Variants in CADPS2 observed in about 807,000 individuals in gnomAD.
CADPS2 encodes the protein calcium-dependent secretion activator 2.
In CADPS2, 93 loss-of-function variants were observed where a neutral mutation model predicts 172.5. That is an observed-to-expected ratio of 0.54 (90% CI 0.46 to 0.64). The LOEUF is 0.64. CADPS2 is among the 30% of genes least tolerant of loss of function. CADPS2 has a pLI of 0.00. For missense variants in CADPS2, 1,420 were observed against 1,565.9 expected, an observed-to-expected ratio of 0.91 and a Z score of 1.57; for synonymous variants, 546 against 555.2, an observed-to-expected ratio of 0.98 and a Z score of 0.23.
At position 122,710,806 on chromosome 7, in the gene CADPS2, T is replaced by C. The variant is rs538079614; in HGVS notation, c.453+26149A>G. The stretch of plus-strand genomic sequence containing the variant: ...AGTCATTTAATTTTGCCTTATATTA[T>C]ATATAATTAGAGGCATATATGTCTG... On this transcript the variant is annotated intron_variant, in intron 2 of 29. Coordinates refer to ENST00000449022, the MANE Select transcript of CADPS2 (RefSeq NM_017954.11). 8.5e-5 allele frequency among the ~76,000 whole-genome samples: 13 copies of C among 152,226 alleles called. 1 individual carries two copies. In the South Asian group the frequency reaches 2.7e-3, roughly 32 times the overall value.
At chr7:122,762,773 T>C (rs868381300) in intron 1 of CADPS2, among the ~76,000 whole-genome samples, 3 of 152,034 alleles carry the variant, frequency 2.0e-5, no homozygotes, top group South Asian at 4.1e-4. Context: ...AGGCCACCAG[T>C]CCAAATGGGA....
chr7:122,649,897 G>A (rs1433787973), intron 3 of CADPS2, among the ~76,000 whole-genome samples: 1 of 46,074 alleles, frequency 2.2e-5, no homozygotes, highest in South Asian at 1.2e-3. Flanking sequence ...AGTATTCAAT[G>A]ATTTTTTTTT....
At chr7:122,412,357 C>T (rs890048165) in intron 19 of CADPS2, among the ~76,000 whole-genome samples, 1 of 151,896 alleles carries the variant, frequency 6.6e-6, no homozygotes, top group Non-Finnish European at 1.5e-5. Context: ...GGCATGCATG[C>T]CAGTTGGAGA....
chr7:122,449,836 T>C (rs779833218), intron 15 of CADPS2, among the ~76,000 whole-genome samples: 3 of 151,988 alleles, frequency 2.0e-5, no homozygotes, highest in Non-Finnish European at 2.9e-5. Flanking sequence ...GATTGTCTCA[T>C]GTACTGCACT....
intron 8 of CADPS2, among the ~76,000 whole-genome samples, chr7:122,532,195 G>T (rs1460471097): frequency 6.6e-6 from 1 of 152,032 alleles, no homozygotes; most frequent in Middle Eastern, 3.2e-3. Flanking sequence ...ATCTCAAATT[G>T]TTCCTTTTTG....
chr7:122,700,926 ATAAT>A (rs566176570), intron 2 of CADPS2, among the ~76,000 whole-genome samples: 59 of 152,264 alleles, frequency 3.9e-4, no homozygotes, highest in Non-Finnish European at 7.8e-4. Flanking sequence ...ATCATCTAAA[ATAAT>A]TATTTAGAAC....
intron 2 of CADPS2, among the ~76,000 whole-genome samples, chr7:122,664,816 A>G (rs892570698): frequency 1.3e-5 from 2 of 152,082 alleles, no homozygotes; most frequent in Admixed American, 1.3e-4. Context: ...ACAGGGTCTC[A>G]CTCTGTGGCC....
At chr7:122,705,574 T>C (rs1253555224) in intron 2 of CADPS2, among the ~76,000 whole-genome samples, 1 of 109,868 alleles carries the variant, frequency 9.1e-6, no homozygotes, top group African/African-American at 3.6e-5. Context: ...ATATTATCTA[T>C]ATTATATATT....
At chr7:122,385,391 T>G (rs755105064) in intron 24 of CADPS2, among the ~76,000 whole-genome samples, 7 of 151,930 alleles carry the variant, frequency 4.6e-5, no homozygotes, top group Admixed American at 6.6e-5. Context: ...CCTGGGGCAA[T>G]AGGTATAGAA....
intron 1 of CADPS2, among the ~76,000 whole-genome samples, chr7:122,844,640 A>G (rs1811471035): frequency 6.6e-6 from 1 of 152,246 alleles, no homozygotes; most frequent in African/African-American, 2.4e-5. Context: ...CTTTTTAAAA[A>G]TACATCTATA....
At chr7:122,539,182 G>C (rs921430889) in intron 8 of CADPS2, among the ~76,000 whole-genome samples, 4 of 152,122 alleles carry the variant, frequency 2.6e-5, no homozygotes, top group South Asian at 2.1e-4. Context: ...GTTGAGAAGT[G>C]GGACCTTTAA....
chr7:122,438,738 G>C (rs1182189766), intron 16 of CADPS2, among the ~76,000 whole-genome samples: 1 of 151,960 alleles, frequency 6.6e-6, no homozygotes, highest in Admixed American at 6.6e-5. Context: ...TCACCATTCA[G>C]TGTGACTGTC....
intron 1 of CADPS2, among the ~76,000 whole-genome samples, chr7:122,752,892 A>G (rs77208745): frequency 0.015 from 2,237 of 152,308 alleles, 54 homozygotes; most frequent in African/African-American, 0.051. Flanking sequence ...AAAAGAGAAA[A>G]GAAAGACAAA....
rs576333425 is a variant in CADPS2 at position 122,767,845 on chromosome 7, A to G, written c.340-30777T>C. Among the ~76,000 whole-genome samples the G allele has an allele frequency of 2.6e-5, 4 of 152,328 alleles. 1 individual carries two copies. In the East Asian group the frequency reaches 7.7e-4, roughly 29 times the overall value. On this transcript the variant is annotated intron_variant, in intron 1 of 29. Coordinates refer to ENST00000449022, the MANE Select transcript of CADPS2 (RefSeq NM_017954.11). ...GAAAGTGTTTTATAGTAGAACGTAG[A>G]TGATCTGCATTGAAAATTTGAGCTT... is the stretch of plus-strand genomic sequence containing the variant.
intron 15 of CADPS2, among the ~76,000 whole-genome samples, chr7:122,446,266 A>T (rs1046771824): frequency 6.6e-6 from 1 of 152,136 alleles, no homozygotes; most frequent in African/African-American, 2.4e-5. Flanking sequence ...CTATATACTT[A>T]AAATTTTTTC....
intron 3 of CADPS2, among the ~76,000 whole-genome samples, chr7:122,641,946 T>G (rs531410117): frequency 6.6e-6 from 1 of 152,060 alleles, no homozygotes; most frequent in East Asian, 1.9e-4. Context: ...TCTGGAATGA[T>G]AGCATCAGGA....
chr7:122,332,370 T>C (rs3902431), intron 28 of CADPS2, among the ~76,000 whole-genome samples: 31,717 of 151,022 alleles, frequency 0.21, 3,834 homozygotes, highest in East Asian at 0.45. Context: ...AGTAGAACTC[T>C]ATATATGTGA....
At chr7:122,403,996 GT>G (rs937246660) in intron 20 of CADPS2, among the ~76,000 whole-genome samples, 2 of 151,832 alleles carry the variant, frequency 1.3e-5, no homozygotes, top group East Asian at 1.9e-4. Flanking sequence ...ATAATGCCTT[GT>G]TTTTTTTATT....
chr7:122,400,016 G>T (rs1489361231), intron 20 of CADPS2, among the ~76,000 whole-genome samples: 1 of 151,730 alleles, frequency 6.6e-6, no homozygotes, highest in Non-Finnish European at 1.5e-5. Flanking sequence ...GAAGTTACAG[G>T]TGTTCCTGTG....
Sources: allele counts gnomAD v4.1 joint callset (sites outside exome capture counted in the v4.1 genomes callset), GRCh38; gene constraint gnomAD v4.1.1; transcripts MANE v1.5; gene names NCBI Gene and HGNC (gene_info 2026-07-23, HGNC 2026-07-21).